Variants in CALN1 observed in about 807,000 individuals in gnomAD.
CALN1 encodes calneuron 1.
A neutral mutation model predicts 30.6 loss-of-function variants in CALN1; 17 were observed. That is an observed-to-expected ratio of 0.56 (90% CI 0.38 to 0.83). The LOEUF is 0.83. CALN1 is among the 40% of genes least tolerant of loss of function. The pLI, the probability that CALN1 is intolerant of heterozygous loss-of-function variation, is 0.00. For synonymous variants in CALN1, 156 were observed against 131.4 expected, an observed-to-expected ratio of 1.19 and a Z score of -1.28; for missense variants, 291 against 354.9, an observed-to-expected ratio of 0.82 and a Z score of 1.45.
intron 5 of CALN1, among the ~76,000 whole-genome samples, chr7:71,950,397 G>T (rs977965057): frequency 4.6e-5 from 7 of 152,100 alleles, no homozygotes; most frequent in Non-Finnish European, 1.0e-4. Flanking sequence ...TCACTACCAC[G>T]CATTTTTGGA....
chr7:72,293,879 T>C (rs1051230882), intron 2 of CALN1, among the ~76,000 whole-genome samples: 4 of 152,068 alleles, frequency 2.6e-5, no homozygotes, highest in South Asian at 2.1e-4. Context: ...GGCAGATCAC[T>C]TGAGATCAGG....
intron 2 of CALN1, among the ~76,000 whole-genome samples, chr7:72,334,998 G>A (rs1359963871): frequency 1.3e-5 from 2 of 152,124 alleles, no homozygotes; most frequent in African/African-American, 2.4e-5. Flanking sequence ...ACCAACTGCC[G>A]GGGGAACTAG....
At chr7:72,422,578 T>C (rs1025868899) in intron 1 of CALN1, among the ~76,000 whole-genome samples, 2 of 152,222 alleles carry the variant, frequency 1.3e-5, no homozygotes, top group Non-Finnish European at 2.9e-5. Flanking sequence ...GTCACTTCCC[T>C]CGTCCTCCGC....
chr7:72,275,265 G>T (rs534669745), intron 3 of CALN1, among the ~76,000 whole-genome samples: 2 of 152,208 alleles, frequency 1.3e-5, no homozygotes, highest in Non-Finnish European at 2.9e-5. Flanking sequence ...TGTCCTCTGA[G>T]GGTAAATGAG....
chr7:72,199,796 C>CA (rs1469119112), intron 3 of CALN1, among the ~76,000 whole-genome samples: 1 of 152,070 alleles, frequency 6.6e-6, no homozygotes, highest in African/African-American at 2.4e-5. Flanking sequence ...GCTGTGATTG[C>CA]ACCACTATAC....
intron 6 of CALN1, among the ~76,000 whole-genome samples, chr7:71,801,553 T>G (rs1391172411): frequency 2.0e-5 from 3 of 152,022 alleles, no homozygotes; most frequent in Non-Finnish European, 4.4e-5. Context: ...TGACTTCACT[T>G]TGTGGAGCCT....
the CALN1 span, among the ~76,000 whole-genome samples, chr7:72,500,269 C>CTTTTTTTTTTTTTTTTTTTTTT: frequency 1.6e-4 from 8 of 51,396 alleles, 2 homozygotes; most frequent in Non-Finnish European, 2.3e-4. Flanking sequence ...TTCGTTCCTT[C>CTTTTTTTTTTTTTTTTTTTTTT]TTTTTTTTTT....
At chr7:71,895,329 A>G (rs1793478347) in intron 5 of CALN1, among the ~76,000 whole-genome samples, 1 of 150,536 alleles carries the variant, frequency 6.6e-6, no homozygotes, top group Non-Finnish European at 1.5e-5. Context: ...TTTTTTTTTG[A>G]GACAGAGTCT....
chr7:72,050,008 G>A (rs1322139957), intron 4 of CALN1, among the ~76,000 whole-genome samples: 7 of 150,808 alleles, frequency 4.6e-5, no homozygotes, highest in East Asian at 1.9e-4. Context: ...TAGTGGAGAC[G>A]GGGTTTCACC....
At chr7:72,319,897 A>T (rs1156395385) in intron 2 of CALN1, among the ~76,000 whole-genome samples, 3 of 152,086 alleles carry the variant, frequency 2.0e-5, no homozygotes, top group African/African-American at 7.2e-5. Flanking sequence ...TACTTAATGG[A>T]TACAATGTAC....
intron 4 of CALN1, among the ~76,000 whole-genome samples, chr7:72,078,556 A>G (rs1229403893): frequency 6.6e-6 from 1 of 152,192 alleles, no homozygotes; most frequent in Non-Finnish European, 1.5e-5. Flanking sequence ...CCAAACACTG[A>G]AGCCCAGATT....
At chr7:72,075,253 T>C (rs1400886710) in intron 4 of CALN1, among the ~76,000 whole-genome samples, 2 of 152,184 alleles carry the variant, frequency 1.3e-5, no homozygotes, top group Non-Finnish European at 2.9e-5. Context: ...GTCTACCTAT[T>C]TAACTGTTAA....
chr7:71,838,045 C>T (rs1487413702), intron 5 of CALN1, among the ~76,000 whole-genome samples: 1 of 152,098 alleles, frequency 6.6e-6, no homozygotes, highest in African/African-American at 2.4e-5. Context: ...GCATATTTAT[C>T]ATGTTACAGA....
chr7:71,939,442 G>A (rs143415042), intron 5 of CALN1, among the ~76,000 whole-genome samples: 3,029 of 151,094 alleles, frequency 0.02, 101 homozygotes, highest in African/African-American at 0.07. Context: ...GCATGGTGGC[G>A]GGCACCTGTA....
chr7:72,404,369 A>G (rs904812153), intron 1 of CALN1, among the ~76,000 whole-genome samples: 50 of 152,224 alleles, frequency 3.3e-4, no homozygotes, highest in African/African-American at 1.2e-3. Flanking sequence ...TTGAACACAC[A>G]GTTAATCAAT....
intron 4 of CALN1, among the ~76,000 whole-genome samples, chr7:72,101,237 G>A (rs1223704569): frequency 1.3e-5 from 2 of 152,116 alleles, no homozygotes; most frequent in African/African-American, 2.4e-5. Flanking sequence ...TAACAGGTGC[G>A]ATTGACTAGG....
At chr7:72,077,264 A>ACTTAT (rs1554432654) in intron 4 of CALN1, among the ~76,000 whole-genome samples, 1 of 151,100 alleles carries the variant, frequency 6.6e-6, no homozygotes, top group Non-Finnish European at 1.5e-5. Context: ...AAGAAGGAAT[A>ACTTAT]TTTATTTTAT....
intron 6 of CALN1, among the ~76,000 whole-genome samples, chr7:71,790,424 G>GC (rs1554337177): frequency 9.5e-5 from 14 of 147,942 alleles, no homozygotes; most frequent in African/African-American, 3.0e-4. Context: ...AAGAAAGAAA[G>GC]AAGCAAGCAA....
intron 2 of CALN1, among the ~76,000 whole-genome samples, chr7:72,339,010 T>C (rs1320106714): frequency 7.6e-6 from 1 of 131,602 alleles, no homozygotes; most frequent in Non-Finnish European, 1.6e-5. Context: ...GTAGATTCTC[T>C]ATGTCCATGA....
Sources: gnomAD v4.1 joint callset for allele counts (sites outside exome capture counted in the v4.1 genomes callset) on GRCh38, gnomAD v4.1.1 for gene constraint, MANE v1.5 for transcripts, NCBI Gene and HGNC (gene_info 2026-07-23, HGNC 2026-07-21) for gene names.